The following GBE1 variants were observed in gnomAD, a reference collection of about 807,000 sequenced individuals.
The protein encoded by GBE1 is 1,4-alpha-glucan-branching enzyme.
A neutral mutation model predicts 88.8 loss-of-function variants in GBE1; 70 were observed. The ratio of observed to expected loss-of-function variants is 0.79; its 90% CI spans 0.65 to 0.96. The LOEUF is 0.96. Ranked by LOEUF, GBE1 falls within the 40% of genes least tolerant of loss-of-function variation. GBE1 has a pLI of 0.00. For missense variants in GBE1, 872 were observed against 871.0 expected, an observed-to-expected ratio of 1.00 and a Z score of -0.01; for synonymous variants, 284 against 300.1, an observed-to-expected ratio of 0.95 and a Z score of 0.56.
At chr3:81,546,286 T>A (rs62265416) in intron 12 of GBE1, among the ~76,000 whole-genome samples, 1 of 151,690 alleles carries the variant, frequency 6.6e-6, no homozygotes, top group Non-Finnish European at 1.5e-5. Context: ...TACACACACC[T>A]GTACACACTC....
intron 14 of GBE1, among the ~76,000 whole-genome samples, chr3:81,531,115 G>A (rs1703006683): frequency 6.6e-6 from 1 of 151,028 alleles, no homozygotes; most frequent in African/African-American, 2.4e-5. Context: ...CCACCCCAAG[G>A]CCATGGCACC....
At chr3:81,588,349 T>C (rs373173063) in intron 9 of GBE1, among the ~76,000 whole-genome samples, 1 of 152,230 alleles carries the variant, frequency 6.6e-6, no homozygotes, top group African/African-American at 2.4e-5. Context: ...TATTAGGAAC[T>C]AGAATTACAG....
chr3:81,626,111 C>G (rs1219881805), intron 7 of GBE1, among the ~76,000 whole-genome samples: 1 of 152,164 alleles, frequency 6.6e-6, no homozygotes, highest in Non-Finnish European at 1.5e-5. Context: ...GCCGGCACTG[C>G]TCAGTAAGGA....
intron 1 of GBE1, among the ~76,000 whole-genome samples, chr3:81,760,008 T>C (rs184612497): frequency 2.0e-5 from 3 of 152,334 alleles, no homozygotes; most frequent in Admixed American, 2.0e-4. Context: ...TCTTTTGTTC[T>C]AAATTTTTTC....
At chr3:81,501,686 CTTTTTTTTTTTTTT>C (rs35149061) in intron 14 of GBE1, among the ~76,000 whole-genome samples, 7 of 71,994 alleles carry the variant, frequency 9.7e-5, no homozygotes, top group Admixed American at 4.4e-4. Context: ...CTTAGGGGCA[CTTTTTTTTTTTTTT>C]TTTTTTTTTT....
intron 10 of GBE1, among the ~76,000 whole-genome samples, chr3:81,582,314 G>A (rs1703743020): frequency 6.6e-6 from 1 of 152,118 alleles, no homozygotes; most frequent in African/African-American, 2.4e-5. Context: ...AGAAAGATTT[G>A]AAGATGCTAT....
intron 1 of GBE1, among the ~76,000 whole-genome samples, chr3:81,713,234 G>C (rs1304340096): frequency 6.6e-6 from 1 of 152,214 alleles, no homozygotes; most frequent in Non-Finnish European, 1.5e-5. Context: ...GAAGGCTTTA[G>C]GGAGTAGCTG....
chr3:81,623,416 C>A (rs144142553), intron 7 of GBE1, among the ~76,000 whole-genome samples: 26 of 152,352 alleles, frequency 1.7e-4, no homozygotes, highest in African/African-American at 6.3e-4. Flanking sequence ...CACTTTACAA[C>A]ATAACACTGA....
intron 7 of GBE1, among the ~76,000 whole-genome samples, chr3:81,626,821 T>C (rs574599692): frequency 1.6e-4 from 25 of 152,160 alleles, no homozygotes; most frequent in African/African-American, 5.3e-4. Flanking sequence ...TATTATTATA[T>C]AGCACTTACT....
chr3:81,716,100 A>G (rs1406438364), intron 1 of GBE1, among the ~76,000 whole-genome samples: 2 of 152,120 alleles, frequency 1.3e-5, no homozygotes, highest in East Asian at 1.9e-4. Context: ...ATTGTGACCA[A>G]TCTAATAAAC....
At chr3:81,698,477 A>G (rs1231179933) in intron 2 of GBE1, among the ~76,000 whole-genome samples, 1 of 152,182 alleles carries the variant, frequency 6.6e-6, no homozygotes, top group Admixed American at 6.5e-5. Flanking sequence ...ATGTAAAATA[A>G]TCTACATGCA....
intron 6 of GBE1, among the ~76,000 whole-genome samples, chr3:81,645,362 G>C (rs1447880482): frequency 6.6e-6 from 1 of 152,140 alleles, no homozygotes; most frequent in African/African-American, 2.4e-5. Flanking sequence ...GGAAGCCAGG[G>C]AAAGAAAAAG....
intron 7 of GBE1, among the ~76,000 whole-genome samples, chr3:81,633,981 T>TA (rs1704555097): frequency 2.0e-5 from 3 of 152,160 alleles, no homozygotes. Flanking sequence ...TGTGGGCTCC[T>TA]GACTTAAATA....
At chr3:81,625,631 A>C (rs1464518133) in intron 7 of GBE1, among the ~76,000 whole-genome samples, 1 of 152,056 alleles carries the variant, frequency 6.6e-6, no homozygotes, top group Non-Finnish European at 1.5e-5. Flanking sequence ...TTGTAGAGAA[A>C]GGGTTTCGCT....
At chr3:81,500,805 C>T (rs530031821) in intron 14 of GBE1, among the ~76,000 whole-genome samples, 7 of 152,132 alleles carry the variant, frequency 4.6e-5, no homozygotes, top group Admixed American at 2.6e-4. Context: ...TTTCAAAGAA[C>T]GTACATGTTT....
chr3:81,518,283 CA>C (rs1223370642), intron 14 of GBE1, among the ~76,000 whole-genome samples: 1 of 151,176 alleles, frequency 6.6e-6, no homozygotes, highest in Non-Finnish European at 1.5e-5. Context: ...AGCTATGAAA[CA>C]AAAAAACCAG....
intron 7 of GBE1, among the ~76,000 whole-genome samples, chr3:81,629,040 T>TA (rs386397208): frequency 3.6e-4 from 51 of 142,366 alleles, no homozygotes; most frequent in Non-Finnish European, 6.3e-4. Context: ...TTTTTTTTTT[T>TA]ATTATACTCT....
intron 2 of GBE1, among the ~76,000 whole-genome samples, chr3:81,685,288 CCTT>C (rs1218178891): frequency 5.3e-5 from 8 of 152,118 alleles, no homozygotes; most frequent in African/African-American, 1.9e-4. Context: ...TACCTCCTCT[CCTT>C]CAGTCCGTGA....
intron 3 of GBE1, among the ~76,000 whole-genome samples, chr3:81,654,400 T>TA (rs1168781877): frequency 6.6e-6 from 1 of 152,188 alleles, no homozygotes; most frequent in Non-Finnish European, 1.5e-5. Context: ...ATTTTCCATG[T>TA]ACTGGAAAAT....
Sources: allele counts gnomAD v4.1 joint callset (sites outside exome capture counted in the v4.1 genomes callset), GRCh38; gene constraint gnomAD v4.1.1; transcripts MANE v1.5; gene names NCBI Gene and HGNC (gene_info 2026-07-23, HGNC 2026-07-21).